Variants in EPHA3 observed in about 807,000 individuals in gnomAD.
The protein encoded by EPHA3 is EPH receptor A3.
A neutral mutation model predicts 107.1 loss-of-function variants in EPHA3; 42 were observed. The ratio of observed to expected loss-of-function variants is 0.39; its 90% CI spans 0.31 to 0.51. The LOEUF is 0.51. Ranked by LOEUF, EPHA3 falls within the 20% of genes least tolerant of loss-of-function variation. The pLI is 0.78. For synonymous variants in EPHA3, 461 were observed against 424.8 expected (o/e 1.09, Z -1.05); for missense variants, 1,183 against 1,211.2 (o/e 0.98, Z 0.35).
intron 3 of EPHA3, among the ~76,000 whole-genome samples, chr3:89,275,145 G>A (rs930099497): frequency 9.2e-5 from 14 of 151,862 alleles, no homozygotes; most frequent in South Asian, 2.1e-4. Flanking sequence ...TAATTTTTCC[G>A]CTACATCAGG....
intron 2 of EPHA3, among the ~76,000 whole-genome samples, chr3:89,128,288 T>C (rs1704134191): frequency 6.6e-6 from 1 of 152,162 alleles, no homozygotes; most frequent in African/African-American, 2.4e-5. Context: ...TCTGCTTCTC[T>C]TCCTGACACA....
chr3:89,272,651 A>T (rs1226382484), intron 3 of EPHA3, among the ~76,000 whole-genome samples: 1 of 151,926 alleles, frequency 6.6e-6, no homozygotes, highest in Admixed American at 6.6e-5. Flanking sequence ...TTGCACTTTA[A>T]ACTCCTCAAA....
At chr3:89,226,125 C>T (rs930737379) in intron 3 of EPHA3, among the ~76,000 whole-genome samples, 2 of 152,126 alleles carry the variant, frequency 1.3e-5, no homozygotes, top group Non-Finnish European at 2.9e-5. Flanking sequence ...TTGCTTTAAT[C>T]AGTATAAATG....
Position 89,274,749 on chromosome 3 carries a change from G to A in EPHA3, c.814+64229G>A, listed in dbSNP as rs74372187. Among the ~76,000 whole-genome samples the A allele has an allele frequency of 1.1e-4, 17 of 152,048 alleles. No individual in the cohort carries two copies. The East Asian group carries it at 1.7e-3, about 16-fold the overall frequency. On this transcript the variant is annotated intron_variant, in intron 3 of 16. Coordinates refer to ENST00000336596, the MANE Select transcript of EPHA3 (RefSeq NM_005233.6). The stretch of plus-strand genomic sequence containing the variant: ...TCCGCACTTTTGGAGAATGGACAGC[G>A]ATTTAGAATCGTAACCAAGGAGGGA...
At chr3:89,154,380 G>T (rs1469625681) in intron 2 of EPHA3, among the ~76,000 whole-genome samples, 1 of 151,560 alleles carries the variant, frequency 6.6e-6, no homozygotes, top group Non-Finnish European at 1.5e-5. Context: ...ATAAATGTAG[G>T]AAAGTGTCAT....
At chr3:89,121,175 G>T (rs1707373637) in intron 1 of EPHA3, among the ~76,000 whole-genome samples, 1 of 152,136 alleles carries the variant, frequency 6.6e-6, no homozygotes, top group South Asian at 2.1e-4. Context: ...GGCGGAGCTG[G>T]CAGTGGGAGG....
intron 3 of EPHA3, among the ~76,000 whole-genome samples, chr3:89,273,207 C>T (rs932577794): frequency 2.0e-5 from 3 of 151,876 alleles, no homozygotes; most frequent in South Asian, 2.1e-4. Context: ...CTCTGAGAAT[C>T]ACTTTGCTTA....
intron 2 of EPHA3, among the ~76,000 whole-genome samples, chr3:89,167,371 T>A (rs139691623): frequency 0.013 from 2,034 of 152,212 alleles, 43 homozygotes; most frequent in African/African-American, 0.043. Context: ...TTTTCTATTC[T>A]TTCAATAAGA....
At chr3:89,192,885 C>T (rs1404605280) in intron 2 of EPHA3, among the ~76,000 whole-genome samples, 2 of 151,988 alleles carry the variant, frequency 1.3e-5, no homozygotes, top group Non-Finnish European at 2.9e-5. Flanking sequence ...TATTTAGCCT[C>T]ATCAGATTAG....
chr3:89,478,527 A>T (rs1438108772), intron 16 of EPHA3, among the ~76,000 whole-genome samples: 1 of 152,170 alleles, frequency 6.6e-6, no homozygotes, highest in African/African-American at 2.4e-5. Flanking sequence ...AGTTAGCTGT[A>T]CAGCTGGTCT....
At chr3:89,137,684 T>G (rs753917201) in intron 2 of EPHA3, among the ~76,000 whole-genome samples, 33 of 152,012 alleles carry the variant, frequency 2.2e-4, no homozygotes, top group Non-Finnish European at 2.9e-4. Context: ...ACCAAAGTAA[T>G]GTATGAGATT....
chr3:89,340,343 C>A (rs1222073306), intron 3 of EPHA3, among the ~76,000 whole-genome samples: 2 of 152,030 alleles, frequency 1.3e-5, no homozygotes, highest in African/African-American at 4.8e-5. Context: ...TTATTTTAGG[C>A]CATTGCCATA....
intron 15 of EPHA3, among the ~76,000 whole-genome samples, chr3:89,454,574 AT>A (rs908809480): frequency 6.6e-6 from 1 of 151,850 alleles, no homozygotes; most frequent in Admixed American, 6.6e-5. Context: ...AACTCCAAAC[AT>A]TTTTTTTGCA....
chr3:89,414,243 C>T (rs913323421), intron 10 of EPHA3, among the ~76,000 whole-genome samples: 4 of 151,540 alleles, frequency 2.6e-5, no homozygotes, highest in Admixed American at 6.6e-5. Context: ...AGTTAGTATG[C>T]GAACAGGACA....
intron 3 of EPHA3, among the ~76,000 whole-genome samples, chr3:89,303,847 G>A (rs916687819): frequency 6.6e-6 from 1 of 152,118 alleles, no homozygotes; most frequent in Non-Finnish European, 1.5e-5. Flanking sequence ...TAGTTCAGAT[G>A]ACTCTTTGTG....
chr3:89,226,186 G>A (rs1240055745), intron 3 of EPHA3, among the ~76,000 whole-genome samples: 2 of 152,050 alleles, frequency 1.3e-5, no homozygotes, highest in Admixed American at 6.6e-5. Flanking sequence ...TCCCTTATTT[G>A]CTATGGGACT....
At position 89,358,162 on chromosome 3, in the gene EPHA3, T is replaced by G. The variant is rs570084316; in HGVS notation, c.1306+16072T>G. On this transcript the variant is annotated intron_variant, in intron 5 of 16. Coordinates refer to ENST00000336596, the MANE Select transcript of EPHA3 (RefSeq NM_005233.6). ...AGAGACTTTTTTTTACTAAAATATT[T>G]GAACAGGATAGTCTTTTTCTTAACC... Among the ~76,000 whole-genome samples, 7 of 151,254 alleles carry G rather than the reference T, an allele frequency of 4.6e-5. 1 individual carries two copies. The South Asian group carries it at 1.0e-3, about 23-fold the overall frequency.
intron 3 of EPHA3, among the ~76,000 whole-genome samples, chr3:89,218,371 A>G (rs1012547034): frequency 1.5e-5 from 2 of 137,898 alleles, no homozygotes; most frequent in Admixed American, 8.2e-5. Context: ...ATTCCCACCT[A>G]TGAGTGAGAA....
chr3:89,423,685 A>G (rs1709397739), intron 11 of EPHA3, among the ~76,000 whole-genome samples: 1 of 150,276 alleles, frequency 6.7e-6, no homozygotes, highest in Admixed American at 6.7e-5. Flanking sequence ...AGAAAAATAT[A>G]AGACAGGGAA....
Sources: gnomAD v4.1 joint callset for allele counts (sites outside exome capture counted in the v4.1 genomes callset) on GRCh38, gnomAD v4.1.1 for gene constraint, MANE v1.5 for transcripts, NCBI Gene and HGNC (gene_info 2026-07-23, HGNC 2026-07-21) for gene names.